The following RAD54L2 variants were observed in gnomAD, a reference collection of about 807,000 sequenced individuals.
RAD54L2 encodes RAD54 like 2.
RAD54L2 carries 27 observed loss-of-function variants against 138.4 expected under a neutral mutation model. That is an observed-to-expected ratio of 0.20 (90% CI 0.14 to 0.27). RAD54L2 has a LOEUF of 0.27. Among genes scored for constraint, RAD54L2 ranks in the 10% least tolerant of loss-of-function variants. The pLI, the probability that RAD54L2 is intolerant of heterozygous loss-of-function variation, is 1.00. For missense variants in RAD54L2, 1,396 were observed against 1,890.2 expected, an observed-to-expected ratio of 0.74 and a Z score of 4.85; for synonymous variants, 644 against 723.2, an observed-to-expected ratio of 0.89 and a Z score of 1.76.
Position 51,630,829 on chromosome 3 carries a change from G to A in RAD54L2, c.723G>A (p.Gln241=), listed in dbSNP as rs767821310. Residue 241 remains glutamine (Q), a synonymous_variant, in exon 7 of 23, where the codon CAG becomes CAA. Transcript: ENST00000684192. ...CCCATGTCAATGATGTCTTAAACCA[G>A]CGTGACGCCCTTGGGCGGGTCCTTG... is the stretch of plus-strand genomic sequence containing the variant. ...GGTHVNDVLN[Q]RDALGRVLVN... 2 of 1,614,056 alleles carry A rather than the reference G, an allele frequency of 1.2e-6. No homozygotes were observed. Among genetic ancestry groups the A allele is most frequent in the South Asian group, 2.2e-5 (2 of 91,090 alleles).
intron 3 of RAD54L2, among the ~76,000 whole-genome samples, chr3:51,594,728 T>G (rs2106720150): frequency 6.6e-6 from 1 of 152,190 alleles, no homozygotes; most frequent in East Asian, 1.9e-4. Flanking sequence ...TAAGGAATGA[T>G]GAGCCGTCTT....
chr3:51,548,649 A>T (rs907757320), intron 2 of RAD54L2, among the ~76,000 whole-genome samples: 1 of 152,118 alleles, frequency 6.6e-6, no homozygotes, highest in Non-Finnish European at 1.5e-5. Flanking sequence ...CTGTTTTCTG[A>T]TTCTAAGTTT....
intron 3 of RAD54L2, chr3:51,611,365 G>A (rs1411405037): frequency 2.0e-5 from 3 of 151,890 alleles, no homozygotes; most frequent in African/African-American, 7.3e-5. Context: ...TCGCATTATG[G>A]AAGGTGGGGT....
At chr3:51,640,755 C>T (rs1034446906) in intron 14 of RAD54L2, among the ~76,000 whole-genome samples, 6 of 152,314 alleles carry the variant, frequency 3.9e-5, no homozygotes, top group South Asian at 2.1e-4. Flanking sequence ...GTGATTTTGT[C>T]TCTCTAGTAA....
rs562246070 is a variant in RAD54L2, at chr3:51,623,664, A to G, written c.140-3889A>G. Among the ~76,000 whole-genome samples the G allele has an allele frequency of 4.6e-5, 7 of 152,220 alleles. No individual in the cohort carries two copies. The South Asian group carries it at 6.2e-4, about 14-fold the overall frequency. ...ATATTTATAACTTCTCAGGGCTTCA[A>G]TGTCTCATATTTAGAATTAGGGGAG... On this transcript the variant is annotated intron_variant, in intron 3 of 22. Transcript: ENST00000684192.
chr3:51,636,783 A>G (rs1023865000), intron 10 of RAD54L2, among the ~76,000 whole-genome samples: 1 of 152,190 alleles, frequency 6.6e-6, no homozygotes, highest in Non-Finnish European at 1.5e-5. Flanking sequence ...AATACAAAAA[A>G]TTAGCCAGGC....
chr3:51,598,111 G>A (rs569698503), intron 3 of RAD54L2, among the ~76,000 whole-genome samples: 44 of 147,024 alleles, frequency 3.0e-4, no homozygotes, highest in Non-Finnish European at 5.2e-4. Flanking sequence ...ATATATATAT[G>A]TGTGTGTGTA....
Position 51,662,628 on chromosome 3 carries a change from C to T in RAD54L2, c.3612C>T (p.Gly1204=). ...CAAGCACCAATGCCGCCCTGCCTGGCCCCCCGGCCCAACTTATGGACAGCA... is the reference window on the plus strand; with the variant it reads ...CAAGCACCAATGCCGCCCTGCCTGGTCCCCCGGCCCAACTTATGGACAGCA... ...SSPSTNAALP[G]PPAQLMDSSA... Residue 1204 remains glycine (G), a synonymous_variant, in exon 23 of 23, where the codon GGC becomes GGT. Coordinates refer to ENST00000684192, the MANE Select transcript of RAD54L2 (RefSeq NM_015106.4). This position sits in a 1 kb window ranked among gnomAD's most constrained non-coding sequence, Gnocchi z 4.6. The T allele has an allele frequency of 6.2e-7, 1 of 1,610,992 alleles. No homozygotes were observed. The highest frequency in any genetic ancestry group is 8.5e-7 in the Non-Finnish European group (1 of 1,178,398).
chr3:51,621,673 A>T (rs2106780476), intron 3 of RAD54L2, among the ~76,000 whole-genome samples: 1 of 152,294 alleles, frequency 6.6e-6, no homozygotes, highest in East Asian at 1.9e-4. Flanking sequence ...CCTACTCTCT[A>T]ATCTTGCCTC....
intron 2 of RAD54L2, among the ~76,000 whole-genome samples, chr3:51,586,451 CT>C (rs1699711783): frequency 6.7e-6 from 1 of 148,556 alleles, no homozygotes; most frequent in Non-Finnish European, 1.5e-5. Flanking sequence ...TTTTGGAAGT[CT>C]CTGTCGCCAC....
At chr3:51,612,238 G>T (rs1700348656) in intron 3 of RAD54L2, among the ~76,000 whole-genome samples, 1 of 152,206 alleles carries the variant, frequency 6.6e-6, no homozygotes, top group South Asian at 2.1e-4. Context: ...GCTGAGGCGG[G>T]CAGATCACCT....
At chr3:51,598,836 C>G (rs1018749630) in intron 3 of RAD54L2, among the ~76,000 whole-genome samples, 30 of 152,086 alleles carry the variant, frequency 2.0e-4, no homozygotes, top group Non-Finnish European at 2.9e-4. Flanking sequence ...GAGGGTGTCA[C>G]ACAAAGGGAG....
chr3:51,636,190 A>G (rs1159390571), intron 10 of RAD54L2, among the ~76,000 whole-genome samples: 1 of 152,272 alleles, frequency 6.6e-6, no homozygotes, highest in Non-Finnish European at 1.5e-5. Context: ...TGAATTTATA[A>G]AAAAGAATTT....
At chr3:51,555,095 G>A (rs1033910232) in intron 2 of RAD54L2, among the ~76,000 whole-genome samples, 8 of 152,092 alleles carry the variant, frequency 5.3e-5, no homozygotes, top group African/African-American at 1.4e-4. Context: ...CGCCCACATC[G>A]GCCTCCCAAA....
intron 20 of RAD54L2, 121 bp downstream of exon 20, chr3:51,656,291 T>TA (rs1701598301): frequency 7.6e-6 from 7 of 920,774 alleles, no homozygotes; most frequent in South Asian, 6.8e-5. Flanking sequence ...GCACTCTTGG[T>TA]AAAAAATAGG....
chr3:51,566,110 G>A (rs549410689), intron 2 of RAD54L2, among the ~76,000 whole-genome samples: 1 of 152,282 alleles, frequency 6.6e-6, no homozygotes, highest in South Asian at 2.1e-4. Flanking sequence ...TTATAGGCGT[G>A]AGCCACTGCG....
intron 9 of RAD54L2, among the ~76,000 whole-genome samples, chr3:51,634,842 T>C (rs1700944094): frequency 6.6e-6 from 1 of 152,220 alleles, no homozygotes; most frequent in Non-Finnish European, 1.5e-5. Context: ...TATATATGTA[T>C]GCCATAAAGT....
chr3:51,557,586 C>G (rs1348415407), intron 2 of RAD54L2, among the ~76,000 whole-genome samples: 1 of 151,788 alleles, frequency 6.6e-6, no homozygotes, highest in Non-Finnish European at 1.5e-5. Flanking sequence ...AATCTCAACA[C>G]TTTGGGAGGC....
intron 21 of RAD54L2, among the ~76,000 whole-genome samples, chr3:51,659,653 C>T (rs1701706401): frequency 6.6e-6 from 1 of 152,194 alleles, no homozygotes; most frequent in African/African-American, 2.4e-5. Context: ...ACATAGGATT[C>T]CAACTTACTC....
Sources: allele counts gnomAD v4.1 joint callset (sites outside exome capture counted in the v4.1 genomes callset), GRCh38; gene constraint gnomAD v4.1.1; non-coding constraint Gnocchi (gnomAD v3.1); transcripts MANE v1.5; gene names NCBI Gene and HGNC (gene_info 2026-07-23, HGNC 2026-07-21).